Variants in EPHA6 observed in about 807,000 individuals in gnomAD.
EPHA6 encodes the protein EPH receptor A6, also known as ephrin type-A receptor 6.
EPHA6 carries 50 observed loss-of-function variants against 112.0 expected under a neutral mutation model. The ratio of observed to expected loss-of-function variants is 0.45; its 90% CI spans 0.36 to 0.56. The LOEUF is 0.56. Ranked by LOEUF, EPHA6 falls within the 20% of genes least tolerant of loss-of-function variation. The pLI, the probability that EPHA6 is intolerant of heterozygous loss-of-function variation, is 0.00. For synonymous variants in EPHA6, 529 were observed against 490.7 expected (o/e 1.08, Z -1.03); for missense variants, 1,280 against 1,417.4 (o/e 0.90, Z 1.56).
chr3:97,041,285 TC>T (rs1450346938), intron 3 of EPHA6, among the ~76,000 whole-genome samples: 2 of 152,096 alleles, frequency 1.3e-5, no homozygotes, highest in African/African-American at 4.8e-5. Flanking sequence ...CATTTATTTA[TC>T]CCTTGAAATC....
chr3:97,597,819 G>A (rs1048598363), intron 12 of EPHA6, among the ~76,000 whole-genome samples: 12 of 152,198 alleles, frequency 7.9e-5, no homozygotes, highest in Admixed American at 7.9e-4. Context: ...ATGTAAGTAA[G>A]CCAGGAATGA....
intron 2 of EPHA6, among the ~76,000 whole-genome samples, chr3:96,893,700 A>G (rs1020628965): frequency 1.3e-5 from 2 of 152,224 alleles, no homozygotes; most frequent in African/African-American, 2.4e-5. Context: ...AGAAACTTGC[A>G]GTGATCTAGC....
intron 3 of EPHA6, among the ~76,000 whole-genome samples, chr3:97,140,628 T>A (rs957670273): frequency 6.6e-6 from 1 of 152,032 alleles, no homozygotes; most frequent in Non-Finnish European, 1.5e-5. Context: ...GACAAGCAAA[T>A]GCTAAGGGAA....
chr3:96,954,764 C>T (rs1289473975), intron 2 of EPHA6, among the ~76,000 whole-genome samples: 26 of 131,040 alleles, frequency 2.0e-4, no homozygotes, highest in Admixed American at 1.6e-3. Context: ...TAAATTTTTA[C>T]TGGTGTGCCT....
chr3:97,393,008 C>T (rs1041297608), intron 5 of EPHA6, among the ~76,000 whole-genome samples: 4 of 151,506 alleles, frequency 2.6e-5, no homozygotes, highest in Admixed American at 1.3e-4. Flanking sequence ...AATACTTTTG[C>T]CTGGAAGAAT....
chr3:96,823,337 A>G (rs1047703988), intron 1 of EPHA6, among the ~76,000 whole-genome samples: 1 of 151,782 alleles, frequency 6.6e-6, no homozygotes, highest in Non-Finnish European at 1.5e-5. Flanking sequence ...GAGTCAGGAG[A>G]AAAGCTGATC....
rs189574868 is a variant in EPHA6, at chr3:97,089,070, T to C, written c.1114+101077T>C. On this transcript the variant is annotated intron_variant, in intron 3 of 17. Transcript: ENST00000389672. Reference sequence around the variant, plus strand: ...GTTATTTGCCAAATCTTAAAGAGGATAGGACAGAGAAAGCCAGGAGAGACA... The same window carrying C: ...GTTATTTGCCAAATCTTAAAGAGGACAGGACAGAGAAAGCCAGGAGAGACA... Among the ~76,000 whole-genome samples the C allele has an allele frequency of 4.6e-5, 7 of 152,122 alleles. 1 individual carries two copies. Among genetic ancestry groups the C allele is most frequent in the Non-Finnish European group, 1.0e-4 (7 of 67,988 alleles).
chr3:97,002,109 C>T (rs565462918), intron 3 of EPHA6, among the ~76,000 whole-genome samples: 6 of 150,958 alleles, frequency 4.0e-5, no homozygotes, highest in East Asian at 1.9e-4. Flanking sequence ...TATTTTTTAC[C>T]GCCTCGTAAT....
At chr3:97,047,114 T>G (rs1443735102) in intron 3 of EPHA6, among the ~76,000 whole-genome samples, 1 of 152,046 alleles carries the variant, frequency 6.6e-6, no homozygotes, top group Non-Finnish European at 1.5e-5. Context: ...GGTATAATGA[T>G]AGGGTGTATA....
Position 97,759,653 on chromosome 3 carries a change from T to G in EPHA6, c.*10952T>G, listed in dbSNP as rs2036109903. The G allele has an allele frequency of 4.4e-6, 1 of 229,760 alleles. No individual in the cohort carries two copies. The highest frequency in any genetic ancestry group is 5.7e-5 in the Admixed American group (1 of 17,648). 14.2% of individuals were successfully genotyped at this position (229,760 alleles called of 1,614,324 possible). ...AATGAAAGGAAGGCAGAATGTGTAA[T>G]GTGCAAATAGGTTGGTATATTTGTG... On this transcript the variant is annotated 3_prime_UTR_variant, in exon 18 of 18. Coordinates refer to ENST00000389672, the MANE Select transcript of EPHA6 (RefSeq NM_001080448.3).
At chr3:97,029,522 T>C (rs1352668366) in intron 3 of EPHA6, among the ~76,000 whole-genome samples, 1 of 152,060 alleles carries the variant, frequency 6.6e-6, no homozygotes, top group Non-Finnish European at 1.5e-5. Flanking sequence ...TAATGAATGA[T>C]ACATAAATAT....
intron 5 of EPHA6, among the ~76,000 whole-genome samples, chr3:97,257,306 A>G (rs1313448332): frequency 6.6e-6 from 1 of 152,040 alleles, no homozygotes; most frequent in Non-Finnish European, 1.5e-5. Flanking sequence ...AAAATTTATT[A>G]TAAACAAAAT....
At chr3:96,958,546 A>G (rs1454913499) in intron 2 of EPHA6, among the ~76,000 whole-genome samples, 2 of 152,150 alleles carry the variant, frequency 1.3e-5, no homozygotes, top group African/African-American at 4.8e-5. Context: ...ATTTTCATTT[A>G]CTTGCACTGG....
intron 5 of EPHA6, among the ~76,000 whole-genome samples, chr3:97,389,003 C>T (rs1336412276): frequency 6.6e-6 from 1 of 152,086 alleles, no homozygotes; most frequent in Non-Finnish European, 1.5e-5. Flanking sequence ...GTTGTGGGCC[C>T]ATTTTGAGCC....
At chr3:97,188,000 C>A (rs2077201715) in intron 3 of EPHA6, among the ~76,000 whole-genome samples, 1 of 152,058 alleles carries the variant, frequency 6.6e-6, no homozygotes, top group Non-Finnish European at 1.5e-5. Context: ...GTTGATCATG[C>A]CAAAATCAGA....
chr3:97,042,852 A>T (rs966671490), intron 3 of EPHA6, among the ~76,000 whole-genome samples: 2 of 152,044 alleles, frequency 1.3e-5, no homozygotes, highest in African/African-American at 4.8e-5. Flanking sequence ...CCACCACCTA[A>T]CCACTCACAT....
intron 11 of EPHA6, 126 bp downstream of exon 11, chr3:97,532,669 C>A (rs556268550): frequency 3.9e-6 from 3 of 760,682 alleles, no homozygotes; most frequent in South Asian, 4.2e-5. Context: ...ATATCATCAC[C>A]CCCTCAGAGA....
At chr3:97,709,820 T>A (rs979881112) in intron 14 of EPHA6, among the ~76,000 whole-genome samples, 1 of 152,184 alleles carries the variant, frequency 6.6e-6, no homozygotes, top group Non-Finnish European at 1.5e-5. Context: ...ATTTGGCAGA[T>A]GCTCCCTCAC....
chr3:97,496,509 A>T (rs2091981086), intron 10 of EPHA6, among the ~76,000 whole-genome samples: 1 of 152,180 alleles, frequency 6.6e-6, no homozygotes, highest in African/African-American at 2.4e-5. Context: ...ATCTTATGTT[A>T]TAGCTCATGC....
Sources: gnomAD v4.1 joint callset for allele counts (sites outside exome capture counted in the v4.1 genomes callset) on GRCh38, gnomAD v4.1.1 for gene constraint, MANE v1.5 for transcripts, NCBI Gene and HGNC (gene_info 2026-07-23, HGNC 2026-07-21) for gene names.